The following FBXO27 variants were observed in gnomAD, a reference collection of about 807,000 sequenced individuals.
The protein encoded by FBXO27 is F-box protein 27, also known as F-box only protein 27.
A neutral mutation model predicts 28.3 loss-of-function variants in FBXO27; 28 were observed. The observed-to-expected ratio is 0.99, with a 90% confidence interval of 0.73 to 1.36. FBXO27 has a LOEUF of 1.36. FBXO27 is among the 40% of genes most tolerant of loss of function. The pLI is 0.00. For missense variants in FBXO27, 388 were observed against 394.1 expected, an observed-to-expected ratio of 0.98 and a Z score of 0.13; for synonymous variants, 175 against 167.3, an observed-to-expected ratio of 1.05 and a Z score of -0.36.
In FBXO27 at chr19:39,031,937, C is replaced by A; in HGVS notation, c.291G>T (p.Arg97Ser). 6.6e-7 allele frequency: 1 copy of A among 1,515,242 alleles called. No homozygotes were observed. Among genetic ancestry groups the A allele is most frequent in the Non-Finnish European group, 8.7e-7 (1 of 1,143,692 alleles). 93.9% of individuals were successfully genotyped at this position (1,515,242 alleles called of 1,614,324 possible). ...RSCQSPARNA[R>S]PCPLGRFCAR... is the part of the protein sequence containing the mutation. ...CGCAGAAGCGGCCCAGGGGGCAAGGCCTGGCGTTACGGGCGGGAGACTGGC... is the reference window on the plus strand; with the variant it reads ...CGCAGAAGCGGCCCAGGGGGCAAGGACTGGCGTTACGGGCGGGAGACTGGC... Residue 97 changes from arginine (R) to serine (S), a missense_variant, in exon 2 of 6, where the codon AGG (arginine) becomes AGT (serine). By Grantham distance (110) the Arg-to-Ser change is moderately radical. Coordinates refer to ENST00000292853, the MANE Select transcript of FBXO27 (RefSeq NM_178820.5).
chr19:39,016,911 GA>G (rs1440052977), intron 1 of FBXO27, among the ~76,000 whole-genome samples: 1 of 150,222 alleles, frequency 6.7e-6, no homozygotes, highest in Non-Finnish European at 1.5e-5. Context: ...TAGCAAACTA[GA>G]AAGTGTTTTT....
At chr19:39,019,059 ACT>A (rs2072832373), downstream of FBXO27, among the ~76,000 whole-genome samples, 1 of 89,970 alleles carries the variant, frequency 1.1e-5, no homozygotes, top group South Asian at 4.2e-4. Context: ...ACAGAGCAAG[ACT>A]CTATCACAAA....
chr19:39,027,708 T>A (rs533846173), intron 4 of FBXO27, among the ~76,000 whole-genome samples: 1 of 152,032 alleles, frequency 6.6e-6, no homozygotes, highest in Admixed American at 6.6e-5. Flanking sequence ...GAGATGGGGT[T>A]TTGCCATGTG....
At chr19:39,018,649 T>C (rs1018814012) in intron 1 of FBXO27, among the ~76,000 whole-genome samples, 1 of 152,120 alleles carries the variant, frequency 6.6e-6, no homozygotes, top group Non-Finnish European at 1.5e-5. Context: ...TTGCCTGACA[T>C]TTCAAGATGA....
intron 1 of FBXO27, among the ~76,000 whole-genome samples, chr19:39,018,704 C>G (rs996119854): frequency 6.6e-5 from 10 of 152,138 alleles, no homozygotes; most frequent in African/African-American, 2.4e-4. Context: ...ATGAAATTCC[C>G]GAAGTGGTCA....
chr19:39,023,395 T>C (rs2072855054), downstream of FBXO27, among the ~76,000 whole-genome samples: 1 of 152,206 alleles, frequency 6.6e-6, no homozygotes, highest in Admixed American at 6.6e-5. Context: ...TTACTCCCAG[T>C]TGGAGGAAAG....
chr19:39,025,497 G>A lies in FBXO27; in HGVS notation c.766C>T (p.Arg256Trp), dbSNP rs369513367. Residue 256 changes from arginine (R) to tryptophan (W), a missense_variant, in exon 6 of 6, where the codon CGG (arginine) becomes TGG (tryptophan). Physicochemically the swap from Arg to Trp is moderately radical, Grantham distance 101 (BLOSUM62 -3). Coordinates refer to ENST00000292853, the MANE Select transcript of FBXO27 (RefSeq NM_178820.5). ...MGVRFVSFEH[R>W]GQDTQFWAGH... ...GCCCAGAACTGTGTGTCCTGGCCCC[G>A]GTGTTCGAAAGACACAAAGCGGACG... 23 of 1,614,020 alleles carry A rather than the reference G, an allele frequency of 1.4e-5. No homozygotes were observed. Among genetic ancestry groups the A allele is most frequent in the Admixed American group, 5.0e-5 (3 of 59,962 alleles).
At chr19:39,015,607 C>T (rs950168512) in intron 1 of FBXO27, among the ~76,000 whole-genome samples, 6 of 151,956 alleles carry the variant, frequency 3.9e-5, no homozygotes, top group South Asian at 4.1e-4. Flanking sequence ...ACTTCAGCCT[C>T]GGCAACAGAG....
intron 2 of FBXO27, among the ~76,000 whole-genome samples, chr19:39,013,133 T>G (rs1221429637): frequency 1.3e-5 from 2 of 152,186 alleles, no homozygotes; most frequent in Non-Finnish European, 2.9e-5. Context: ...AAGGTGTGTG[T>G]TGTAGCAGGA....
intron 5 of FBXO27, 21 bp from the exon 6 acceptor site, chr19:39,025,575 CA>C (rs761008977): frequency 9.3e-6 from 15 of 1,604,908 alleles, no homozygotes; most frequent in Non-Finnish European, 1.3e-5. Context: ...AGGAGGGGCT[CA>C]GCTCCATTGT....
chr19:39,032,135 T>TA lies in FBXO27; in HGVS notation c.92_93insT (p.Glu32ArgfsTer64). 1 of 1,541,200 alleles carries TA rather than the reference T, an allele frequency of 6.5e-7. No individual in the cohort carries two copies. The highest frequency in any genetic ancestry group is 8.7e-7 in the Non-Finnish European group (1 of 1,150,578). On this transcript the variant is annotated frameshift_variant, in exon 2 of 6. Coordinates refer to ENST00000292853, the MANE Select transcript of FBXO27 (RefSeq NM_178820.5). LOFTEE classifies it high-confidence loss of function. This position sits in a 1 kb window ranked among gnomAD's most constrained non-coding sequence, Gnocchi z 4.7. ...GGCTCAGCACCACCAGAAGCAGCTC[T>TA]GGGGGTAGTTGGCTCAGGTCCAGCG...
At chr19:39,012,960 A>AAAACAAACAAAC (rs144507136) in intron 2 of FBXO27, among the ~76,000 whole-genome samples, 2 of 129,342 alleles carry the variant, frequency 1.5e-5, no homozygotes, top group Non-Finnish European at 3.5e-5. Flanking sequence ...ACCCTGTCTC[A>AAAACAAACAAAC]AAACAAACAA....
chr19:39,025,678 GTTC>G, intron 5 of FBXO27, 124 bp from the exon 6 acceptor site: 1 of 1,254,058 alleles, frequency 8.0e-7, no homozygotes, highest in Non-Finnish European at 1.1e-6. Flanking sequence ...TGGGCCACAT[GTTC>G]TTCTAGAATC....
downstream of FBXO27, among the ~76,000 whole-genome samples, chr19:39,022,182 G>T (rs570025755): frequency 1.4e-3 from 161 of 119,040 alleles, 1 homozygote; most frequent in Admixed American, 4.5e-3. Flanking sequence ...TTGAGACAGG[G>T]TCTCACTCTG....
chr19:39,020,809 G>A (rs538793145), downstream of FBXO27, among the ~76,000 whole-genome samples: 139 of 148,526 alleles, frequency 9.4e-4, no homozygotes, highest in Admixed American at 3.0e-3. Flanking sequence ...TGGATCTTGG[G>A]GAAATTCAAG....
At chr19:39,027,982 T>C (rs1292921140) in intron 4 of FBXO27, among the ~76,000 whole-genome samples, 1 of 152,122 alleles carries the variant, frequency 6.6e-6, no homozygotes, top group Non-Finnish European at 1.5e-5. Context: ...GGCTCACGCC[T>C]GTAATCCCAA....
rs2072900718 is a variant in FBXO27 at position 39,031,231 on chromosome 19, T to C, written c.454A>G (p.Thr152Ala). 6.2e-7 allele frequency: 1 copy of C among 1,614,172 alleles called. No individual in the cohort carries two copies. The highest frequency in any genetic ancestry group is 8.5e-7 in the Non-Finnish European group (1 of 1,180,024). The change falls in exon 3 of 6, where the codon ACG becomes GCG. Residue 152 changes from threonine (T) to alanine (A), a missense_variant. Transcript: ENST00000292853. Reference protein sequence around the residue: ...RTTVPGAPSQTCFVTSFSWCC... With the variant: ...RTTVPGAPSQACFVTSFSWCC... ...CACCTGAATGAAGTCACGAAGCACG[T>C]CTGAGAAGGGGCCCCAGGCACGGTT...
In FBXO27 at chr19:39,031,779, G is replaced by T. The variant is rs636534; in HGVS notation, c.364+85C>A. The T allele has an allele frequency of 0.014, 18,740 of 1,297,436 alleles. 682 individuals carry two copies. The African/African-American group carries it at 0.15, about 10-fold the overall frequency. 80.4% of individuals were successfully genotyped at this position (1,297,436 alleles called of 1,614,324 possible). On this transcript the variant is annotated intron_variant, in intron 2 of 5. Transcript: ENST00000292853. ...CCCTGCCCCTGCGGCCCCTAGTACC[G>T]GTCCCAGTGCGGCCCCGCCCCTCCG... is the stretch of plus-strand genomic sequence containing the variant.
rs375668074 is a variant in FBXO27, at chr19:39,026,994, C to A, written c.584G>T (p.Arg195Leu). Reference protein sequence around the residue: ...EICVSDWWGARHDSGCMYRLL... With the variant: ...EICVSDWWGALHDSGCMYRLL... ...TCTGTACATACAGCCGCTGTCGTGTCGGGCTCCCCACCTGTGGGAGGAAGG... is the reference window on the plus strand; with the variant it reads ...TCTGTACATACAGCCGCTGTCGTGTAGGGCTCCCCACCTGTGGGAGGAAGG... Residue 195 changes from arginine to leucine, a missense_variant, in exon 5 of 6, where the codon CGA becomes CTA. By Grantham distance (102) the Arg-to-Leu change is moderately radical. Transcript: ENST00000292853. The A allele has an allele frequency of 6.2e-7, 1 of 1,613,986 alleles. No individual in the cohort carries two copies. The highest frequency in any genetic ancestry group is 1.3e-5 in the African/African-American group (1 of 74,898).
Sources: allele counts gnomAD v4.1 joint callset (sites outside exome capture counted in the v4.1 genomes callset), GRCh38; gene constraint gnomAD v4.1.1; non-coding constraint Gnocchi (gnomAD v3.1); transcripts MANE v1.5; gene names NCBI Gene and HGNC (gene_info 2026-07-23, HGNC 2026-07-21).